Variants in MCTP2 observed in about 807,000 individuals in gnomAD.
The protein encoded by MCTP2 is multiple C2 and transmembrane domain-containing protein 2.
In MCTP2, 132 loss-of-function variants were observed where a neutral mutation model predicts 111.6. That is an observed-to-expected ratio of 1.18 (90% CI 1.03 to 1.37). The LOEUF (loss-of-function observed/expected upper bound fraction) is 1.37. Among genes scored for constraint, MCTP2 ranks in the 40% most tolerant of loss-of-function variants. The probability of loss-of-function intolerance (pLI) is 0.00; values close to 1 mark genes in which losing one functional copy is unlikely to be tolerated. For synonymous variants in MCTP2, 395 were observed against 387.7 expected, an observed-to-expected ratio of 1.02 and a Z score of -0.22; for missense variants, 1,183 against 1,067.9, an observed-to-expected ratio of 1.11 and a Z score of -1.50.
chr15:94,318,560 A>G (rs570436012), intron 4 of MCTP2, among the ~76,000 whole-genome samples: 25 of 152,280 alleles, frequency 1.6e-4, no homozygotes, highest in African/African-American at 5.5e-4. Context: ...GGTGTGAGCC[A>G]CCACGCCCGG....
chr15:94,439,317 T>C (rs961678648), intron 17 of MCTP2, among the ~76,000 whole-genome samples: 1 of 152,200 alleles, frequency 6.6e-6, no homozygotes, highest in Admixed American at 6.5e-5. Context: ...TGATATGTTA[T>C]AGCAGTGGTT....
rs539532828 is a variant in MCTP2 at position 94,482,602 on chromosome 15, G to A, written c.*3568G>A. ...AGCATCCAAATAGGAATGTCAGCAA[G>A]GTAATGGAATATATAGTTCTCAGAG... On this transcript the variant is annotated 3_prime_UTR_variant, in exon 23 of 23. Coordinates refer to ENST00000357742, the MANE Select transcript of MCTP2 (RefSeq NM_001385001.1). 1 of 152,266 alleles carries A rather than the reference G, an allele frequency of 6.6e-6. No individual in the cohort carries two copies. Among genetic ancestry groups the A allele is most frequent in the East Asian group, 1.9e-4 (1 of 5,174 alleles). 9.4% of individuals were successfully genotyped at this position (152,266 alleles called of 1,614,324 possible). A position where few individuals can be genotyped will look rare whatever the true frequency, so the allele number is the denominator to read the frequency against.
At chr15:94,354,709 T>G (rs1411593789) in intron 8 of MCTP2, among the ~76,000 whole-genome samples, 1 of 152,226 alleles carries the variant, frequency 6.6e-6, no homozygotes, top group African/African-American at 2.4e-5. Flanking sequence ...TGTTTAAGAT[T>G]GTCATAAATG....
chr15:94,343,683 G>A (rs544363347), intron 7 of MCTP2: 1 of 152,174 alleles, frequency 6.6e-6, no homozygotes, highest in South Asian at 2.1e-4. Flanking sequence ...AGACTGCCTG[G>A]GTCTGAATCC....
At chr15:94,382,839 T>C (rs1216959260) in intron 12 of MCTP2, among the ~76,000 whole-genome samples, 2 of 152,266 alleles carry the variant, frequency 1.3e-5, no homozygotes, top group African/African-American at 4.8e-5. Flanking sequence ...GGCAATGCGT[T>C]AATGTCCTAC....
At position 94,379,833 on chromosome 15, in the gene MCTP2, TATA is replaced by T. The variant is rs746451257; in HGVS notation, c.1583-4186_1583-4184del. ...TTATATGACATAATTATATATGACA[TATA>T]ATTATATATGATATATATATAATAT... On this transcript the variant is annotated intron_variant, in intron 12 of 22. Coordinates refer to ENST00000357742, the MANE Select transcript of MCTP2 (RefSeq NM_001385001.1). 1.9e-4 allele frequency among the ~76,000 whole-genome samples: 26 copies of T among 139,588 alleles called. No homozygotes were observed. The East Asian group carries it at 3.3e-3, about 18-fold the overall frequency. 91.6% of individuals were successfully genotyped at this position (139,588 alleles called of 152,430 possible). A position where few individuals can be genotyped will look rare whatever the true frequency, so the allele number is the denominator to read the frequency against.
chr15:94,263,582 T>G (rs2073328768), intron 1 of MCTP2, among the ~76,000 whole-genome samples: 1 of 152,196 alleles, frequency 6.6e-6, no homozygotes, highest in Admixed American at 6.5e-5. Flanking sequence ...CCTTCTGTCC[T>G]TAGGAACACC....
At chr15:94,412,561 G>A (rs969565429) in intron 17 of MCTP2, among the ~76,000 whole-genome samples, 1 of 152,112 alleles carries the variant, frequency 6.6e-6, no homozygotes, top group African/African-American at 2.4e-5. Flanking sequence ...GTGTTTTTGT[G>A]TTTGGGAGGT....
At chr15:94,345,704 G>T (rs138198086) in intron 8 of MCTP2, among the ~76,000 whole-genome samples, 134 of 152,232 alleles carry the variant, frequency 8.8e-4, no homozygotes, top group African/African-American at 3.0e-3. Flanking sequence ...TATAAAAGGC[G>T]CAAGAATGCA....
intron 1 of MCTP2, among the ~76,000 whole-genome samples, chr15:94,276,431 A>G (rs2074214649): frequency 6.6e-6 from 1 of 152,098 alleles, no homozygotes; most frequent in Non-Finnish European, 1.5e-5. Context: ...ATTTTCAAGA[A>G]AACCTTTATG....
intron 8 of MCTP2, among the ~76,000 whole-genome samples, chr15:94,346,498 C>T (rs1006383536): frequency 5.9e-5 from 9 of 152,130 alleles, no homozygotes; most frequent in Admixed American, 2.0e-4. Context: ...CTCTCACTCT[C>T]CCATATTAAG....
intron 17 of MCTP2, among the ~76,000 whole-genome samples, chr15:94,410,559 G>A (rs868047012): frequency 3.3e-5 from 5 of 151,892 alleles, no homozygotes; most frequent in South Asian, 2.1e-4. Flanking sequence ...AAAAAAAAAA[G>A]AAGAGGTATT....
intron 13 of MCTP2, 41 bp downstream of exon 13, chr15:94,384,165 G>C (rs1432151350): frequency 3.6e-6 from 5 of 1,401,624 alleles, no homozygotes; most frequent in Non-Finnish European, 5.0e-6. Context: ...GCTGTGCTTG[G>C]AAGGTAGTCT....
intron 2 of MCTP2, among the ~76,000 whole-genome samples, chr15:94,312,355 C>A (rs1373498307): frequency 2.0e-5 from 3 of 152,222 alleles, no homozygotes; most frequent in Non-Finnish European, 4.4e-5. Flanking sequence ...CTGCCCAACT[C>A]ACCTGGGGGT....
Position 94,315,564 on chromosome 15 carries a change from C to T in MCTP2, c.564C>T (p.Leu188=), listed in dbSNP as rs140081019. ...AAGCCAGTGATGGCTTGAGTAACCT[C>T]CCCAGCCCTTTTGCGTACCTCCTCA... ...PGEASDGLSN[L]PSPFAYLLTI... The change falls in exon 4 of 23, where the codon CTC becomes CTT. Residue 188 remains leucine, a synonymous_variant. Transcript: ENST00000357742. The T allele has an allele frequency of 7.9e-4, 1,270 of 1,614,098 alleles. 3 individuals carry two copies. Among genetic ancestry groups the T allele is most frequent in the Non-Finnish European group, 9.9e-4 (1,174 of 1,179,988 alleles).
At chr15:94,302,844 A>G (rs751369398) in intron 2 of MCTP2, among the ~76,000 whole-genome samples, 6 of 152,004 alleles carry the variant, frequency 3.9e-5, no homozygotes, top group Non-Finnish European at 5.9e-5. Context: ...GTCCATTTTC[A>G]TGCTACTGAT....
At position 94,348,077 on chromosome 15, in the gene MCTP2, A is replaced by T. The variant is rs538731508; in HGVS notation, c.1005+2913A>T. On this transcript the variant is annotated intron_variant, in intron 8 of 22. Coordinates refer to ENST00000357742, the MANE Select transcript of MCTP2 (RefSeq NM_001385001.1). ...TCTCTTTTGACCCTCTGTTATATGT[A>T]TTAATATGTCTGCTGTCTAAAGTAA... Among the ~76,000 whole-genome samples the T allele has an allele frequency of 6.6e-4, 100 of 152,246 alleles. 1 individual carries two copies. Among genetic ancestry groups the T allele is most frequent in the African/African-American group, 2.1e-3 (88 of 41,522 alleles).
At chr15:94,466,910 T>G (rs1447822539) in intron 20 of MCTP2, among the ~76,000 whole-genome samples, 2 of 152,014 alleles carry the variant, frequency 1.3e-5, no homozygotes, top group Non-Finnish European at 2.9e-5. Flanking sequence ...TTTTAAAAAG[T>G]AATTTGATTT....
chr15:94,290,515 GA>G (rs1340515489), intron 1 of MCTP2, among the ~76,000 whole-genome samples: 5 of 152,108 alleles, frequency 3.3e-5, no homozygotes, highest in Admixed American at 3.3e-4. Context: ...AACAGAACAA[GA>G]AGGAAATGAT....
Sources: gnomAD v4.1 joint callset for allele counts (sites outside exome capture counted in the v4.1 genomes callset) on GRCh38, gnomAD v4.1.1 for gene constraint, MANE v1.5 for transcripts, NCBI Gene and HGNC (gene_info 2026-07-23, HGNC 2026-07-21) for gene names.